The following STK40 variants were observed in gnomAD, a reference collection of about 807,000 sequenced individuals.
The protein encoded by STK40 is serine/threonine-protein kinase 40.
In STK40, 13 loss-of-function variants were observed where a neutral mutation model predicts 47.9. That is an observed-to-expected ratio of 0.27 (90% confidence interval 0.18 to 0.43). The LOEUF (loss-of-function observed/expected upper bound fraction) is 0.43, where lower values mean the gene tolerates loss of function less well. Among genes scored for constraint, STK40 ranks in the 20% least tolerant of loss-of-function variants. The pLI, the probability that STK40 is intolerant of heterozygous loss-of-function variation, is 1.00. For synonymous variants in STK40, 225 were observed against 243.2 expected, an observed-to-expected ratio of 0.93 and a Z score of 0.69; for missense variants, 460 against 595.1, an observed-to-expected ratio of 0.77 and a Z score of 2.36.
chr1:36,375,769 C>A, intron 1 of STK40, among the ~76,000 whole-genome samples: 1 of 152,106 alleles, frequency 6.6e-6, no homozygotes, highest in East Asian at 1.9e-4. Flanking sequence ...GCCTGTAATC[C>A]CAGCACTTTG....
chr1:36,354,538 T>C (rs993077741), intron 5 of STK40, 122 bp from the exon 6 acceptor site: 7 of 973,408 alleles, frequency 7.2e-6, no homozygotes, highest in African/African-American at 4.8e-5. Context: ...GATGTGTCTC[T>C]TTAGGCTCCA....
chr1:36,372,423 CAAAAAAAAAAAAA>C (rs796595993), intron 1 of STK40, among the ~76,000 whole-genome samples: 10 of 39,608 alleles, frequency 2.5e-4, no homozygotes, highest in African/African-American at 6.6e-4. Context: ...GACCTTGTCT[CAAAAAAAAAAAAA>C]AAAAAAAAAA....
chr1:36,380,398 T>C (rs943959851), intron 1 of STK40, among the ~76,000 whole-genome samples: 3 of 152,156 alleles, frequency 2.0e-5, no homozygotes, highest in Non-Finnish European at 4.4e-5. Flanking sequence ...CCTTAGAACT[T>C]CAAGGGTCAA....
chr1:36,375,432 A>C (rs1646983257), intron 1 of STK40, among the ~76,000 whole-genome samples: 3 of 150,958 alleles, frequency 2.0e-5, no homozygotes, highest in Admixed American at 2.0e-4. Context: ...GCTTGAACCC[A>C]GGAGGTGGAG....
chr1:36,377,108 C>A (rs1306991630), intron 1 of STK40, among the ~76,000 whole-genome samples: 2 of 152,054 alleles, frequency 1.3e-5, no homozygotes, highest in South Asian at 4.2e-4. Flanking sequence ...GTCAATAGAA[C>A]TAAGGGCCCA....
intron 4 of STK40, among the ~76,000 whole-genome samples, chr1:36,356,672 G>A (rs186967460): frequency 3.3e-5 from 5 of 152,036 alleles, no homozygotes; most frequent in East Asian, 1.9e-4. Context: ...TGATCCGCCC[G>A]CCTTAGCCTC....
At chr1:36,378,420 C>T (rs879597596) in intron 1 of STK40, among the ~76,000 whole-genome samples, 4 of 152,086 alleles carry the variant, frequency 2.6e-5, no homozygotes, top group South Asian at 2.1e-4. Flanking sequence ...GATTCAATAA[C>T]GTATTGCAGT....
chr1:36,359,013 G>A (rs1045783609), intron 2 of STK40, among the ~76,000 whole-genome samples, 191 bp from the exon 3 acceptor site: 5 of 152,252 alleles, frequency 3.3e-5, no homozygotes, highest in African/African-American at 1.2e-4. Flanking sequence ...GGGTATGTGT[G>A]CTCTGCCTGG....
At chr1:36,367,952 G>A (rs537426460) in intron 1 of STK40, 1 of 938,472 alleles carries the variant, frequency 1.1e-6, no homozygotes, top group Non-Finnish European at 1.3e-6. Flanking sequence ...GGGTGGTGGG[G>A]AGGAGTCTGG....
chr1:36,368,868 CAGG>C (rs1267826973), intron 1 of STK40, among the ~76,000 whole-genome samples: 1 of 152,208 alleles, frequency 6.6e-6, no homozygotes, highest in Admixed American at 6.5e-5. Context: ...TGTGGTTCTA[CAGG>C]AGAATGCCCT....
At position 36,358,343 on chromosome 1, in the gene STK40, T is replaced by C; in HGVS notation, c.238A>G (p.Ser80Gly). ...ATCTTGCCCTGCCGCTCTTCCTGGC[T>C]CTCTATGCCTTGGTCCCCCCTCTCC... Reference protein sequence around the residue: ...LEERGDQGIESQEERQGKMLL... With the variant: ...LEERGDQGIEGQEERQGKMLL... The change falls in exon 4 of 11, where the codon AGC becomes GGC. Residue 80 changes from serine (S) to glycine (G), a missense_variant. Transcript: ENST00000373132. The C allele has an allele frequency of 6.2e-7, 1 of 1,608,594 alleles. No individual in the cohort carries two copies. Among genetic ancestry groups the C allele is most frequent in the East Asian group, 2.2e-5 (1 of 44,672 alleles).
intron 1 of STK40, among the ~76,000 whole-genome samples, chr1:36,366,573 G>A (rs973184458): frequency 6.6e-5 from 10 of 152,062 alleles, no homozygotes; most frequent in Admixed American, 1.3e-4. Flanking sequence ...CTGGCTGTGC[G>A]TCCCTCCAGA....
chr1:36,372,925 C>CTT (rs1222481867), intron 1 of STK40, among the ~76,000 whole-genome samples: 3 of 152,156 alleles, frequency 2.0e-5, no homozygotes, highest in Non-Finnish European at 4.4e-5. Flanking sequence ...ACCAGGGATA[C>CTT]CTACAGACCT....
intron 5 of STK40, 101 bp downstream of exon 5, chr1:36,355,105 A>C: frequency 1.6e-6 from 2 of 1,246,512 alleles, no homozygotes; most frequent in Non-Finnish European, 2.3e-6. Flanking sequence ...CCAGCTGCAA[A>C]GCACACCTGG....
chr1:36,341,727 G>A lies in STK40; in HGVS notation c.*28C>T. The stretch of plus-strand genomic sequence containing the variant: ...TTGGCTGGGGCTGGAAGAAGTGGCA[G>A]CAGTGCTGGTGGCCCCGGCTGAGGC... On this transcript the variant is annotated 3_prime_UTR_variant, in exon 11 of 11. Coordinates refer to ENST00000373132, the MANE Select transcript of STK40 (RefSeq NM_001282547.2). 1.2e-6 allele frequency: 2 copies of A among 1,605,520 alleles called. No individual in the cohort carries two copies. Among genetic ancestry groups the A allele is most frequent in the Non-Finnish European group, 1.7e-6 (2 of 1,175,136 alleles).
At chr1:36,369,931 T>A (rs917156604) in intron 1 of STK40, among the ~76,000 whole-genome samples, 3 of 152,230 alleles carry the variant, frequency 2.0e-5, no homozygotes, top group Non-Finnish European at 4.4e-5. Flanking sequence ...CAAGGTGTGA[T>A]TCACAGGAAA....
At chr1:36,352,909 G>A (rs1424471821) in intron 6 of STK40, among the ~76,000 whole-genome samples, 1 of 152,256 alleles carries the variant, frequency 6.6e-6, no homozygotes, top group Non-Finnish European at 1.5e-5. Context: ...ATGCTTAGCA[G>A]CTGAGGTGCA....
intron 7 of STK40, 50 bp from the exon 8 acceptor site, chr1:36,344,314 G>A (rs1646680970): frequency 6.6e-7 from 1 of 1,519,912 alleles, no homozygotes. Flanking sequence ...CACCACCGTG[G>A]CTCACCAGCC....
At chr1:36,368,112 TAA>T (rs1187155491) in intron 1 of STK40, 1 of 152,578 alleles carries the variant, frequency 6.6e-6, no homozygotes, top group African/African-American at 2.4e-5. Context: ...ACAGCACAGT[TAA>T]AAGACATGTG....
Sources: gnomAD v4.1 joint callset for allele counts (sites outside exome capture counted in the v4.1 genomes callset) on GRCh38, gnomAD v4.1.1 for gene constraint, MANE v1.5 for transcripts, NCBI Gene and HGNC (gene_info 2026-07-23, HGNC 2026-07-21) for gene names.